The following MKLN1 variants were observed in gnomAD, a reference collection of about 807,000 sequenced individuals.
MKLN1 encodes muskelin 1.
MKLN1 carries 18 observed loss-of-function variants against 99.0 expected under a neutral mutation model. The ratio of observed to expected loss-of-function variants is 0.18; its 90% CI spans 0.13 to 0.27. The LOEUF (loss-of-function observed/expected upper bound fraction) is 0.27. MKLN1 is among the 10% of genes least tolerant of loss of function. The pLI, the probability that MKLN1 is intolerant of heterozygous loss-of-function variation, is 1.00. For missense variants in MKLN1, 621 were observed against 875.9 expected, an observed-to-expected ratio of 0.71 and a Z score of 3.67; for synonymous variants, 288 against 293.2, an observed-to-expected ratio of 0.98 and a Z score of 0.18.
chr7:131,260,155 G>A (rs1257178031), intron 3 of MKLN1, among the ~76,000 whole-genome samples: 1 of 151,768 alleles, frequency 6.6e-6, no homozygotes, highest in East Asian at 1.9e-4. Flanking sequence ...AAGCAATTCT[G>A]CCCCAGCCTC....
intron 1 of MKLN1, among the ~76,000 whole-genome samples, chr7:131,367,477 A>G (rs1800214601): frequency 6.6e-6 from 1 of 152,228 alleles, no homozygotes; most frequent in South Asian, 2.1e-4. Flanking sequence ...AATGAAAGTC[A>G]TGGGTATCTA....
intron 3 of MKLN1, among the ~76,000 whole-genome samples, chr7:131,256,155 C>T (rs530528692): frequency 1.2e-4 from 19 of 152,224 alleles, no homozygotes; most frequent in Non-Finnish European, 2.8e-4. Context: ...ATCCACCCAC[C>T]TCGGCCTCCC....
chr7:131,428,491 T>C (rs1795425015), intron 8 of MKLN1, among the ~76,000 whole-genome samples: 1 of 152,242 alleles, frequency 6.6e-6, no homozygotes, highest in South Asian at 2.1e-4. Flanking sequence ...GTTTTTGATA[T>C]AGCAATAGAG....
chr7:131,325,479 T>A (rs1036900964), upstream of MKLN1, among the ~76,000 whole-genome samples: 2 of 152,126 alleles, frequency 1.3e-5, no homozygotes, highest in African/African-American at 2.4e-5. Flanking sequence ...GAGGATCGCT[T>A]GAGCCCAGGA....
At position 131,192,120 on chromosome 7, in the gene MKLN1, C is replaced by T. The variant is rs569142634; in HGVS notation, c.-296-10737C>T. Among the ~76,000 whole-genome samples the T allele has an allele frequency of 1.1e-4, 8 of 72,910 alleles. 1 individual carries two copies. The highest frequency in any genetic ancestry group is 4.2e-4 in the South Asian group (1 of 2,368). The allele number at this position is 72,910 out of a possible 152,430, so 47.8% of individuals were successfully genotyped here. A position where few individuals can be genotyped will look rare whatever the true frequency, so the allele number is the denominator to read the frequency against. The stretch of plus-strand genomic sequence containing the variant: ...TATGTATATATATATTATATATATA[C>T]GTATATATATAAAAATATATATACG... On this transcript the variant is annotated intron_variant, in intron 2 of 7. Coordinates refer to the MKLN1 transcript ENST00000416992.
At chr7:131,196,449 AG>A (rs1796646270) in intron 2 of MKLN1, among the ~76,000 whole-genome samples, 1 of 152,248 alleles carries the variant, frequency 6.6e-6, no homozygotes, top group African/African-American at 2.4e-5. Context: ...CAACCTTTTT[AG>A]GCCAAATCTA....
At chr7:131,307,845 G>A (rs551276112) in intron 3 of MKLN1, among the ~76,000 whole-genome samples, 152 of 152,274 alleles carry the variant, frequency 1.0e-3, no homozygotes, top group African/African-American at 3.6e-3. Context: ...TGCTGGAATA[G>A]GACTTTCGGT....
chr7:131,487,899 C>A lies in MKLN1; in HGVS notation c.*171C>A. 1 of 551,778 alleles carries A rather than the reference C, an allele frequency of 1.8e-6. No homozygotes were observed. The highest frequency in any genetic ancestry group is 2.9e-6 in the Non-Finnish European group (1 of 342,214). 34.2% of individuals were successfully genotyped at this position (551,778 alleles called of 1,614,324 possible). On this transcript the variant is annotated 3_prime_UTR_variant, in exon 18 of 18. Coordinates refer to ENST00000352689, the MANE Select transcript of MKLN1 (RefSeq NM_013255.5). The surrounding 1 kb of genome is among the most constrained non-coding windows in gnomAD (Gnocchi z 4.7). ...CCTCTTCCTTCATGCCTGACCTCAA[C>A]CCCGCTCTCCTCATCCTATTCCTAA...
intron 3 of MKLN1, among the ~76,000 whole-genome samples, chr7:131,300,687 C>CAAAA (rs35187256): frequency 4.2e-5 from 5 of 118,678 alleles, no homozygotes; most frequent in African/African-American, 1.3e-4. Context: ...GACCCTGTCT[C>CAAAA]AAAAAAAAAA....
chr7:131,165,781 A>G (rs959102855), intron 2 of MKLN1, among the ~76,000 whole-genome samples: 1 of 152,124 alleles, frequency 6.6e-6, no homozygotes, highest in Non-Finnish European at 1.5e-5. Context: ...GGGTGGTACG[A>G]GGGTGAGCAG....
At chr7:131,353,532 T>A (rs1323675791) in intron 1 of MKLN1, among the ~76,000 whole-genome samples, 1 of 152,152 alleles carries the variant, frequency 6.6e-6, no homozygotes, top group Non-Finnish European at 1.5e-5. Context: ...GGTCTTTTGT[T>A]GCGTATGTAG....
At chr7:131,401,965 T>G (rs1794558428) in intron 6 of MKLN1, among the ~76,000 whole-genome samples, 1 of 152,202 alleles carries the variant, frequency 6.6e-6, no homozygotes, top group African/African-American at 2.4e-5. Flanking sequence ...GGATGGTGAT[T>G]GCTGAAAGTT....
intron 3 of MKLN1, 133 bp downstream of exon 3, chr7:131,387,395 C>A: frequency 1.4e-6 from 1 of 706,268 alleles, no homozygotes; most frequent in Non-Finnish European, 2.1e-6. Context: ...ATCCCTAATG[C>A]CTTAGTTTAA....
chr7:131,364,832 A>G (rs1390499786), intron 1 of MKLN1, among the ~76,000 whole-genome samples: 2 of 152,116 alleles, frequency 1.3e-5, no homozygotes, highest in Non-Finnish European at 2.9e-5. Context: ...CATATGTACC[A>G]CATTTTCTTT....
chr7:131,446,021 A>C (rs542800209), intron 12 of MKLN1, 118 bp downstream of exon 12: 30 of 602,288 alleles, frequency 5.0e-5, no homozygotes, highest in Non-Finnish European at 7.5e-5. Flanking sequence ...TTAATTGAGT[A>C]ATTCCAAGTA....
intron 1 of MKLN1, among the ~76,000 whole-genome samples, chr7:131,374,631 T>C (rs534603631): frequency 1.3e-5 from 2 of 152,290 alleles, no homozygotes; most frequent in African/African-American, 4.8e-5. Flanking sequence ...GCAGTGTTTA[T>C]GTATATAGCT....
intron 3 of MKLN1, among the ~76,000 whole-genome samples, chr7:131,299,145 C>A (rs892716004): frequency 6.6e-6 from 1 of 152,130 alleles, no homozygotes; most frequent in African/African-American, 2.4e-5. Context: ...TGACAGCTGG[C>A]CCTGTTTTAG....
chr7:131,318,203 A>G (rs1584595805), intron 3 of MKLN1, among the ~76,000 whole-genome samples: 1 of 152,164 alleles, frequency 6.6e-6, no homozygotes, highest in Admixed American at 6.5e-5. Flanking sequence ...TGACCACATA[A>G]TAGGAAGTAA....
At chr7:131,439,740 T>TA (rs1795776476) in intron 10 of MKLN1, among the ~76,000 whole-genome samples, 1 of 152,182 alleles carries the variant, frequency 6.6e-6, no homozygotes, top group Non-Finnish European at 1.5e-5. Flanking sequence ...TTAACATATT[T>TA]AAAAAATAAA....
Sources: allele counts gnomAD v4.1 joint callset (sites outside exome capture counted in the v4.1 genomes callset), GRCh38; gene constraint gnomAD v4.1.1; non-coding constraint Gnocchi (gnomAD v3.1); transcripts MANE v1.5; gene names NCBI Gene and HGNC (gene_info 2026-07-23, HGNC 2026-07-21).